NCKAP5: variants seen among roughly 807,000 people sequenced by gnomAD.
The protein encoded by NCKAP5 is NCK associated protein 5.
Under a neutral mutation model 167.0 loss-of-function variants are expected in NCKAP5, and 92 were observed. The observed-to-expected ratio is 0.55, with a 90% confidence interval of 0.47 to 0.66. The LOEUF is 0.66. Among genes scored for constraint, NCKAP5 ranks in the 30% least tolerant of loss-of-function variants. The pLI is 0.00. For synonymous variants in NCKAP5, 891 were observed against 877.4 expected (o/e 1.02, Z -0.27); for missense variants, 2,378 against 2,315.0 (o/e 1.03, Z -0.56).
At chr2:133,483,565 T>C (rs1028782118) in intron 3 of NCKAP5, among the ~76,000 whole-genome samples, 2 of 146,406 alleles carry the variant, frequency 1.4e-5, no homozygotes, top group Non-Finnish European at 3.0e-5. Context: ...CTCAGGATAA[T>C]CCAGAATTTT....
In NCKAP5 at chr2:132,751,502, A is replaced by T. The variant is rs16840654; in HGVS notation, c.5129-19451T>A. On this transcript the variant is annotated intron_variant, in intron 16 of 19. Transcript: ENST00000409261. ...AGATACTTGTATTCCATATGCCTGC[A>T]GAACTCTATTCCAGAAGCCAAGTTT... Among the ~76,000 whole-genome samples the T allele has an allele frequency of 6.4e-3, 970 of 152,304 alleles. 18 individuals carry two copies. Among genetic ancestry groups the T allele is most frequent in the East Asian group, 0.056 (292 of 5,176 alleles).
chr2:133,528,871 G>A (rs189134602), intron 2 of NCKAP5, among the ~76,000 whole-genome samples: 7 of 152,244 alleles, frequency 4.6e-5, no homozygotes, highest in Admixed American at 4.6e-4. Flanking sequence ...GCCGCTTCCA[G>A]TGACAAATGG....
chr2:132,888,225 C>G (rs113606677), intron 8 of NCKAP5, among the ~76,000 whole-genome samples: 6 of 152,184 alleles, frequency 3.9e-5, no homozygotes, highest in African/African-American at 1.4e-4. Flanking sequence ...GGAATATGTA[C>G]TTTTACCTAT....
intron 5 of NCKAP5, among the ~76,000 whole-genome samples, chr2:133,130,695 C>T (rs115642240): frequency 3.1e-4 from 47 of 152,228 alleles, no homozygotes; most frequent in African/African-American, 9.4e-4. Context: ...ATCTCACGAA[C>T]GGGTATCAGG....
chr2:133,179,018 A>G (rs920590507), intron 5 of NCKAP5, among the ~76,000 whole-genome samples: 3 of 151,682 alleles, frequency 2.0e-5, no homozygotes, highest in African/African-American at 4.8e-5. Context: ...ATATTTAAAA[A>G]TTATCTGAGC....
intron 19 of NCKAP5, among the ~76,000 whole-genome samples, chr2:132,701,356 C>G (rs978647015): frequency 2.0e-5 from 3 of 152,030 alleles, no homozygotes; most frequent in Non-Finnish European, 4.4e-5. Flanking sequence ...GGTCTCTGGT[C>G]TCTGTAACAT....
chr2:132,845,010 A>G (rs897231266), intron 11 of NCKAP5, among the ~76,000 whole-genome samples: 1 of 152,108 alleles, frequency 6.6e-6, no homozygotes, highest in Non-Finnish European at 1.5e-5. Context: ...ATGCCAGTCT[A>G]TTTGGTGAAA....
intron 16 of NCKAP5, among the ~76,000 whole-genome samples, chr2:132,733,111 G>A (rs147669197): frequency 3.6e-4 from 55 of 152,236 alleles, no homozygotes; most frequent in African/African-American, 1.3e-3. Flanking sequence ...TTTTATATAC[G>A]GAGAAAAGTA....
intron 3 of NCKAP5, among the ~76,000 whole-genome samples, chr2:133,359,831 G>C (rs1037074896): frequency 6.6e-6 from 1 of 152,168 alleles, no homozygotes; most frequent in Non-Finnish European, 1.5e-5. Flanking sequence ...TGGAGAATCT[G>C]TGAAACTATT....
At chr2:133,137,721 G>T (rs1039345061) in intron 5 of NCKAP5, among the ~76,000 whole-genome samples, 2 of 152,140 alleles carry the variant, frequency 1.3e-5, no homozygotes, top group South Asian at 4.1e-4. Context: ...TTTTTCCAGG[G>T]TGGGTTGTGA....
intron 5 of NCKAP5, among the ~76,000 whole-genome samples, chr2:133,131,678 A>C (rs1246543936): frequency 1.3e-5 from 2 of 152,198 alleles, no homozygotes; most frequent in Non-Finnish European, 2.9e-5. Context: ...CAAAATTAAA[A>C]TCAAATCTTT....
chr2:133,406,155 C>G (rs1270961874), intron 3 of NCKAP5, among the ~76,000 whole-genome samples: 2 of 152,186 alleles, frequency 1.3e-5, no homozygotes, highest in Non-Finnish European at 2.9e-5. Flanking sequence ...GGAAGCATCC[C>G]TGGAACAGTT....
intron 8 of NCKAP5, chr2:132,930,158 ACT>A (rs1696256101): frequency 6.6e-6 from 1 of 151,780 alleles, no homozygotes. Context: ...GAATACAGTC[ACT>A]CTATTGACCA....
intron 7 of NCKAP5, among the ~76,000 whole-genome samples, chr2:132,974,044 C>T (rs758466578): frequency 3.3e-5 from 5 of 152,156 alleles, no homozygotes; most frequent in South Asian, 2.1e-4. Context: ...CCTATCCTGA[C>T]GGTAATAACA....
intron 6 of NCKAP5, among the ~76,000 whole-genome samples, chr2:133,102,404 C>T (rs902136664): frequency 1.3e-5 from 2 of 152,152 alleles, no homozygotes; most frequent in Non-Finnish European, 2.9e-5. Context: ...GACTCAGCCT[C>T]CCCAAGTGCT....
intron 3 of NCKAP5, among the ~76,000 whole-genome samples, chr2:133,328,454 G>A (rs536729514): frequency 3.9e-5 from 6 of 152,326 alleles, no homozygotes; most frequent in African/African-American, 1.4e-4. Context: ...GAAAGCCGAA[G>A]ACTCAACTAC....
At chr2:132,699,341 A>T (rs548445488) in intron 19 of NCKAP5, among the ~76,000 whole-genome samples, 22 of 152,114 alleles carry the variant, frequency 1.4e-4, no homozygotes, top group African/African-American at 3.4e-4. Flanking sequence ...GATTTTTTTT[A>T]AATTATATTT....
intron 5 of NCKAP5, among the ~76,000 whole-genome samples, chr2:133,152,260 C>T (rs1041451216): frequency 9.2e-5 from 14 of 152,184 alleles, no homozygotes; most frequent in East Asian, 5.8e-4. Context: ...TTAGGGATGG[C>T]GCCAGAGGAA....
intron 5 of NCKAP5, among the ~76,000 whole-genome samples, chr2:133,156,447 C>T (rs2149912721): frequency 6.6e-6 from 1 of 152,158 alleles, no homozygotes; most frequent in African/African-American, 2.4e-5. Flanking sequence ...CTCCAGGTAG[C>T]CCAAAAATAT....
Sources: gnomAD v4.1 joint callset for allele counts (sites outside exome capture counted in the v4.1 genomes callset) on GRCh38, gnomAD v4.1.1 for gene constraint, MANE v1.5 for transcripts, NCBI Gene and HGNC (gene_info 2026-07-23, HGNC 2026-07-21) for gene names.